The following DPP10 variants were observed in gnomAD, a reference collection of about 807,000 sequenced individuals.
The protein encoded by DPP10 is inactive dipeptidyl peptidase 10.
In DPP10, 33 loss-of-function variants were observed where a neutral mutation model predicts 120.9. The ratio of observed to expected loss-of-function variants is 0.27; its 90% CI spans 0.21 to 0.37. DPP10 has a LOEUF of 0.37. Among genes scored for constraint, DPP10 ranks in the 10% least tolerant of loss-of-function variants. The pLI is 1.00. For missense variants in DPP10, 816 were observed against 942.8 expected, an observed-to-expected ratio of 0.87 and a Z score of 1.76; for synonymous variants, 337 against 326.1, an observed-to-expected ratio of 1.03 and a Z score of -0.36.
chr2:114,613,391 G>A (rs932137027), intron 1 of DPP10, among the ~76,000 whole-genome samples: 2 of 152,086 alleles, frequency 1.3e-5, no homozygotes, highest in Non-Finnish European at 2.9e-5. Context: ...AATTTGAGAG[G>A]GGCGGAGTTG....
At chr2:115,820,794 GGTGTATGTGT>G (rs1352329403) in intron 21 of DPP10, among the ~76,000 whole-genome samples, 1,278 of 112,720 alleles carry the variant, frequency 0.011, 9 homozygotes, top group South Asian at 0.019. Flanking sequence ...AGTATTCCAT[GGTGTATGTGT>G]GTGTGTGTGT....
chr2:114,958,374 C>T (rs1434440100), intron 1 of DPP10, among the ~76,000 whole-genome samples: 6 of 152,092 alleles, frequency 3.9e-5, no homozygotes, highest in Admixed American at 6.5e-5. Context: ...CAAATATAGA[C>T]GTACCGAGTC....
At chr2:114,610,907 AC>A (rs946879592) in intron 1 of DPP10, among the ~76,000 whole-genome samples, 3 of 148,140 alleles carry the variant, frequency 2.0e-5, no homozygotes, top group African/African-American at 7.5e-5. Context: ...GGCCACCACC[AC>A]CCCCCTTCTC....
intron 1 of DPP10, among the ~76,000 whole-genome samples, chr2:115,262,778 G>C (rs72839278): frequency 6.6e-6 from 1 of 152,046 alleles, no homozygotes; most frequent in East Asian, 1.9e-4. Context: ...TACTGTACTG[G>C]CATCTACATA....
At chr2:114,769,255 A>G (rs1681029042) in intron 1 of DPP10, among the ~76,000 whole-genome samples, 1 of 152,144 alleles carries the variant, frequency 6.6e-6, no homozygotes, top group Admixed American at 6.5e-5. Flanking sequence ...ATGTTGCTTG[A>G]TAACTGTTTG....
At chr2:115,729,792 G>A (rs989481924) in intron 8 of DPP10, among the ~76,000 whole-genome samples, 1 of 143,578 alleles carries the variant, frequency 7.0e-6, no homozygotes, top group African/African-American at 2.6e-5. Context: ...ACAAGGGAGA[G>A]AGAGAAAAAG....
intron 1 of DPP10, among the ~76,000 whole-genome samples, chr2:115,115,730 C>T (rs2049469408): frequency 6.6e-6 from 1 of 152,100 alleles, no homozygotes; most frequent in African/African-American, 2.4e-5. Context: ...GGCATAAAAA[C>T]TGGTGGTGTG....
intron 1 of DPP10, chr2:114,462,143 A>G: frequency 3.0e-6 from 3 of 985,372 alleles, no homozygotes; most frequent in Non-Finnish European, 3.6e-6. Context: ...AACACCAGGT[A>G]ATTTTCTTTA....
At chr2:115,663,920 G>C (rs188244984) in intron 5 of DPP10, among the ~76,000 whole-genome samples, 1 of 151,818 alleles carries the variant, frequency 6.6e-6, no homozygotes, top group African/African-American at 2.4e-5. Context: ...GCTTGAACCC[G>C]GGAGGCAGAG....
In DPP10 at chr2:114,587,093, C is replaced by T. The variant is rs934442694; in HGVS notation, c.60+144255C>T. On this transcript the variant is annotated intron_variant, in intron 1 of 25. Transcript: ENST00000410059. ...CGGGCAGATCACGAGGTCAGGAGTT[C>T]GAGCCCAGCCTAGCCAACATGGAGA... Among the ~76,000 whole-genome samples, 6 of 151,994 alleles carry T rather than the reference C, an allele frequency of 3.9e-5. 1 individual carries two copies. Among genetic ancestry groups the T allele is most frequent in the Admixed American group, 1.3e-4 (2 of 15,270 alleles).
intron 1 of DPP10, among the ~76,000 whole-genome samples, chr2:115,025,794 G>A (rs1038470779): frequency 6.6e-6 from 1 of 151,930 alleles, no homozygotes; most frequent in Non-Finnish European, 1.5e-5. Context: ...TTGGTCATTT[G>A]TATGTCTTCT....
intron 11 of DPP10, among the ~76,000 whole-genome samples, chr2:115,756,114 A>G (rs1309910521): frequency 6.6e-6 from 1 of 152,014 alleles, no homozygotes; most frequent in East Asian, 1.9e-4. Context: ...TCTTACGTCT[A>G]TCTGGGGGAT....
intron 3 of DPP10, among the ~76,000 whole-genome samples, chr2:115,465,831 T>TA (rs11384259): frequency 0.83 from 125,782 of 151,974 alleles, 55,124 homozygotes; most frequent in Non-Finnish European, 0.97. Flanking sequence ...CAAAAAATAA[T>TA]AAAAATAAAA....
At chr2:115,006,710 T>C (rs1701872153) in intron 1 of DPP10, among the ~76,000 whole-genome samples, 1 of 151,790 alleles carries the variant, frequency 6.6e-6, no homozygotes, top group Admixed American at 6.6e-5. Flanking sequence ...GCACCCAGAT[T>C]CATAAAGCAA....
At chr2:115,832,903 T>TA (rs778041506) in intron 21 of DPP10, among the ~76,000 whole-genome samples, 1 of 152,122 alleles carries the variant, frequency 6.6e-6, no homozygotes, top group Non-Finnish European at 1.5e-5. Flanking sequence ...CAGTAATAAC[T>TA]TGTTGTATAT....
At chr2:115,724,512 T>G (rs1248058270) in intron 7 of DPP10, among the ~76,000 whole-genome samples, 7 of 148,724 alleles carry the variant, frequency 4.7e-5, no homozygotes, top group Non-Finnish European at 1.0e-4. Flanking sequence ...ACATAGTATT[T>G]CAATTGTTCT....
intron 1 of DPP10, among the ~76,000 whole-genome samples, chr2:114,513,776 A>G: frequency 6.6e-6 from 1 of 152,116 alleles, no homozygotes; most frequent in East Asian, 1.9e-4. Context: ...AGTTAGGTAA[A>G]CGTATTTTTA....
intron 3 of DPP10, among the ~76,000 whole-genome samples, chr2:115,391,741 A>G (rs922274446): frequency 2.0e-5 from 3 of 151,804 alleles, no homozygotes; most frequent in Non-Finnish European, 4.4e-5. Context: ...TGAGAAGAGA[A>G]ATAACATATT....
chr2:114,555,597 C>G (rs527591789), intron 1 of DPP10, among the ~76,000 whole-genome samples: 1 of 152,216 alleles, frequency 6.6e-6, no homozygotes, highest in South Asian at 2.1e-4. Context: ...GCTGCAGGCC[C>G]TTTTCTAGGC....
Sources: gnomAD v4.1 joint callset for allele counts (sites outside exome capture counted in the v4.1 genomes callset) on GRCh38, gnomAD v4.1.1 for gene constraint, MANE v1.5 for transcripts, NCBI Gene and HGNC (gene_info 2026-07-23, HGNC 2026-07-21) for gene names.